STIM2: variants seen among roughly 807,000 people sequenced by gnomAD.
The protein encoded by STIM2 is stromal interaction molecule 2.
A neutral mutation model predicts 85.8 loss-of-function variants in STIM2; 31 were observed. The observed-to-expected ratio is 0.36, with a 90% CI of 0.27 to 0.49. The LOEUF (loss-of-function observed/expected upper bound fraction) is 0.49. STIM2 is among the 20% of genes least tolerant of loss of function. The pLI is 0.98. For synonymous variants in STIM2, 356 were observed against 331.1 expected (o/e 1.08, Z -0.82); for missense variants, 841 against 927.6 (o/e 0.91, Z 1.21).
intron 3 of STIM2, among the ~76,000 whole-genome samples, chr4:26,958,184 A>C (rs1726322329): frequency 6.6e-6 from 1 of 152,108 alleles, no homozygotes; most frequent in South Asian, 2.1e-4. Context: ...GATAATTGGT[A>C]TTTTATTCCC....
In STIM2 at chr4:26,871,801, C is replaced by T. The variant is rs540269653; in HGVS notation, c.151+10432C>T. Reference sequence around the variant, plus strand: ...TTAGGCAATCCTCCCACCTCGGCCCCGCAAAGTAATTAGATTATGAGTGTG... The same window carrying T: ...TTAGGCAATCCTCCCACCTCGGCCCTGCAAAGTAATTAGATTATGAGTGTG... On this transcript the variant is annotated intron_variant, in intron 1 of 11. Transcript: ENST00000467087. Among the ~76,000 whole-genome samples, 6 of 151,714 alleles carry T rather than the reference C, an allele frequency of 4.0e-5. No homozygotes were observed. The South Asian group carries it at 6.2e-4, about 16-fold the overall frequency.
chr4:26,949,797 C>T (rs976737603), intron 2 of STIM2, among the ~76,000 whole-genome samples: 1 of 152,114 alleles, frequency 6.6e-6, no homozygotes, highest in Non-Finnish European at 1.5e-5. Flanking sequence ...GATGGCCCAT[C>T]CCATCCCCCA....
chr4:26,889,389 G>A (rs547438953), intron 1 of STIM2, among the ~76,000 whole-genome samples: 2 of 152,218 alleles, frequency 1.3e-5, no homozygotes, highest in Non-Finnish European at 2.9e-5. Flanking sequence ...TACACTTCAT[G>A]TGCTGTAAAG....
chr4:26,955,863 C>T (rs539942921), intron 2 of STIM2, among the ~76,000 whole-genome samples: 2 of 152,232 alleles, frequency 1.3e-5, no homozygotes, highest in East Asian at 1.9e-4. Flanking sequence ...ACCACATGTT[C>T]AACAGTGTTG....
intron 2 of STIM2, among the ~76,000 whole-genome samples, chr4:26,954,807 C>T (rs143832587): frequency 6.8e-6 from 1 of 147,722 alleles, no homozygotes; most frequent in South Asian, 2.1e-4. Context: ...ATTCCGTGAT[C>T]AGCATGTTGA....
At chr4:26,900,309 T>C (rs1028817974) in intron 1 of STIM2, among the ~76,000 whole-genome samples, 3 of 152,192 alleles carry the variant, frequency 2.0e-5, no homozygotes, top group Non-Finnish European at 2.9e-5. Flanking sequence ...GCTTTGACTT[T>C]AGCAGGTACA....
At chr4:26,947,520 G>A (rs1038186941) in intron 2 of STIM2, among the ~76,000 whole-genome samples, 9 of 152,120 alleles carry the variant, frequency 5.9e-5, no homozygotes, top group African/African-American at 1.9e-4. Context: ...CAGATTATCT[G>A]CAGTCAGAAG....
chr4:26,944,374 A>G (rs997230736), intron 2 of STIM2, among the ~76,000 whole-genome samples: 6 of 152,062 alleles, frequency 3.9e-5, no homozygotes, highest in African/African-American at 1.4e-4. Context: ...GTAACAATAT[A>G]CTTTTGATTT....
At chr4:27,016,064 G>A (rs1256018156) in intron 10 of STIM2, among the ~76,000 whole-genome samples, 1 of 151,750 alleles carries the variant, frequency 6.6e-6, no homozygotes, top group African/African-American at 2.4e-5. Context: ...CTGCCTTCTA[G>A]CTTACTAATT....
chr4:26,900,396 T>C (rs180874385), intron 1 of STIM2, among the ~76,000 whole-genome samples: 3 of 152,238 alleles, frequency 2.0e-5, no homozygotes, highest in African/African-American at 7.2e-5. Flanking sequence ...TTTTAAGACT[T>C]TAGTTTCTTA....
chr4:26,998,933 A>G (rs1446076441), intron 4 of STIM2, among the ~76,000 whole-genome samples: 1 of 147,298 alleles, frequency 6.8e-6, no homozygotes, highest in Non-Finnish European at 1.5e-5. Flanking sequence ...TTTTTTTTTC[A>G]ACTTTATAAA....
At chr4:26,883,173 A>G (rs1560193541) in intron 1 of STIM2, among the ~76,000 whole-genome samples, 1 of 151,682 alleles carries the variant, frequency 6.6e-6, no homozygotes, top group Non-Finnish European at 1.5e-5. Flanking sequence ...TGCCATGGGG[A>G]CTGATGATCA....
At chr4:26,946,658 C>T (rs1301784067) in intron 2 of STIM2, among the ~76,000 whole-genome samples, 1 of 152,208 alleles carries the variant, frequency 6.6e-6, no homozygotes. Context: ...ATGGCATATC[C>T]CTTTCCTTTT....
intron 1 of STIM2, among the ~76,000 whole-genome samples, chr4:26,905,055 C>T (rs964998743): frequency 9.9e-5 from 15 of 151,924 alleles, no homozygotes; most frequent in African/African-American, 3.6e-4. Flanking sequence ...TATTTTCTTT[C>T]AGTGAAGTAT....
chr4:26,877,926 C>T (rs1404930763), intron 1 of STIM2, among the ~76,000 whole-genome samples: 2 of 152,092 alleles, frequency 1.3e-5, no homozygotes, highest in African/African-American at 4.8e-5. Flanking sequence ...AGCATGGCTC[C>T]CTTTTGTGTC....
At chr4:26,969,678 T>G (rs1726859120) in intron 3 of STIM2, among the ~76,000 whole-genome samples, 1 of 152,206 alleles carries the variant, frequency 6.6e-6, no homozygotes, top group Non-Finnish European at 1.5e-5. Flanking sequence ...GACCTTAGAC[T>G]GCATTATCTT....
At chr4:26,965,790 T>C (rs952853666) in intron 3 of STIM2, among the ~76,000 whole-genome samples, 1 of 152,146 alleles carries the variant, frequency 6.6e-6, no homozygotes, top group Non-Finnish European at 1.5e-5. Flanking sequence ...CTGCCTTCTT[T>C]ACATAGATTG....
At chr4:26,914,445 T>TACA (rs1295596364) in intron 1 of STIM2, among the ~76,000 whole-genome samples, 1 of 152,252 alleles carries the variant, frequency 6.6e-6, no homozygotes, top group African/African-American at 2.4e-5. Flanking sequence ...GAAGCCTTTC[T>TACA]TGCTGTGCAT....
At chr4:26,870,901 C>G (rs1165867600) in intron 1 of STIM2, among the ~76,000 whole-genome samples, 1 of 141,246 alleles carries the variant, frequency 7.1e-6, no homozygotes, top group Non-Finnish European at 1.6e-5. Context: ...TTAGTGAATC[C>G]TTTTTTTTTT....
Sources: gnomAD v4.1 joint callset for allele counts (sites outside exome capture counted in the v4.1 genomes callset) on GRCh38, gnomAD v4.1.1 for gene constraint, MANE v1.5 for transcripts, NCBI Gene and HGNC (gene_info 2026-07-23, HGNC 2026-07-21) for gene names.